ZNF695: variants seen among roughly 807,000 people sequenced by gnomAD.
ZNF695 encodes zinc finger protein 695.
ZNF695 carries 11 observed loss-of-function variants against 11.2 expected under a neutral mutation model. The ratio of observed to expected loss-of-function variants is 0.98; its 90% CI spans 0.62 to 1.62. The LOEUF (loss-of-function observed/expected upper bound fraction) is 1.62, where lower values mean the gene tolerates loss of function less well. Among genes scored for constraint, ZNF695 ranks in the 40% most tolerant of loss-of-function variants. The probability of loss-of-function intolerance (pLI) is 0.00; values close to 1 mark genes in which losing one functional copy is unlikely to be tolerated. For synonymous variants in ZNF695, 190 were observed against 201.4 expected (o/e 0.94, Z 0.48); for missense variants, 559 against 590.5 (o/e 0.95, Z 0.55).
At chr1:246,948,536 C>T (rs1667794881) in intron 5 of ZNF695, among the ~76,000 whole-genome samples, 1 of 152,144 alleles carries the variant, frequency 6.6e-6, no homozygotes, top group Non-Finnish European at 1.5e-5. Flanking sequence ...CAGACTTTCT[C>T]AATGAAGGAA....
intron 1 of ZNF695, 121 bp from the exon 2 acceptor site, chr1:247,000,195 A>T: frequency 1.2e-6 from 1 of 855,444 alleles, no homozygotes; most frequent in Non-Finnish European, 1.8e-6. Context: ...TTATCAAATA[A>T]GATAATTTTT....
At chr1:246,997,040 C>A (rs1256705318) in intron 3 of ZNF695, among the ~76,000 whole-genome samples, 2 of 152,092 alleles carry the variant, frequency 1.3e-5, no homozygotes, top group Non-Finnish European at 2.9e-5. Flanking sequence ...GTGTACAGAA[C>A]TGAATATGTT....
chr1:247,006,532 C>T (rs1339185531), intron 1 of ZNF695, among the ~76,000 whole-genome samples: 1 of 152,216 alleles, frequency 6.6e-6, no homozygotes, highest in Non-Finnish European at 1.5e-5. Flanking sequence ...ATCGCTTGAA[C>T]CTGGGAGGTG....
rs373891527 is a variant in ZNF695 at position 246,955,870 on chromosome 1, T to C, written c.489-10043A>G. Among the ~76,000 whole-genome samples, 29 of 152,028 alleles carry C rather than the reference T, an allele frequency of 1.9e-4. 2 individuals carry two copies. Among genetic ancestry groups the C allele is most frequent in the African/African-American group, 7.0e-4 (29 of 41,460 alleles). ...ATGATGCTCACAAGAACTCCCTGGG[T>C]AGACAACGGTCTCATCACTAACCCC... On this transcript the variant is annotated intron_variant, in intron 5 of 5. Transcript: ENST00000487338.
Position 246,976,754 on chromosome 1 carries a change from A to C in ZNF695, c.391-8962T>G, listed in dbSNP as rs191729175. 8.2e-3 allele frequency among the ~76,000 whole-genome samples: 1,244 copies of C among 152,286 alleles called. 11 individuals carry two copies. Among genetic ancestry groups the C allele is most frequent in the Non-Finnish European group, 0.013 (888 of 68,026 alleles). On this transcript the variant is annotated intron_variant, in intron 4 of 5. Coordinates refer to the ZNF695 transcript ENST00000487338. ...GCTTGCAGTGTGCTGAGATCGCGCC[A>C]CTGCACTCCAGCCTGGGCGACAGAG...
At chr1:246,958,473 T>C (rs181828736) in intron 5 of ZNF695, among the ~76,000 whole-genome samples, 2 of 152,292 alleles carry the variant, frequency 1.3e-5, no homozygotes, top group African/African-American at 4.8e-5. Flanking sequence ...TCCTTCTCTC[T>C]TGGGATCCTT....
downstream of ZNF695, among the ~76,000 whole-genome samples, chr1:246,982,516 AATAC>A (rs1668736381): frequency 6.6e-6 from 1 of 152,230 alleles, no homozygotes; most frequent in African/African-American, 2.4e-5. Context: ...CACTGCTTAC[AATAC>A]ATAGTCCAAT....
intron 5 of ZNF695, among the ~76,000 whole-genome samples, chr1:246,964,071 T>G (rs1280298787): frequency 1.3e-5 from 2 of 152,136 alleles, no homozygotes; most frequent in Admixed American, 6.5e-5. Flanking sequence ...ATGGGAGAGA[T>G]GCATTGGGCC....
intron 5 of ZNF695, among the ~76,000 whole-genome samples, chr1:246,952,546 CTTCT>C (rs936967857): frequency 4.9e-5 from 6 of 123,402 alleles, no homozygotes; most frequent in East Asian, 2.4e-4. Flanking sequence ...GCTTCTTCTT[CTTCT>C]TTTTTTTTTT....
chr1:246,965,320 G>A (rs1668260178), intron 5 of ZNF695, among the ~76,000 whole-genome samples: 1 of 147,102 alleles, frequency 6.8e-6, no homozygotes, highest in Non-Finnish European at 1.5e-5. Context: ...TAGCGCCACT[G>A]CACTCCAGCC....
At chr1:246,967,364 C>T in intron 5 of ZNF695, 1 of 456,424 alleles carries the variant, frequency 2.2e-6, no homozygotes, top group Non-Finnish European at 4.4e-6. Flanking sequence ...GCTAGAAATG[C>T]TGGTGGCCTG....
chr1:247,003,819 T>C (rs1289392737), intron 1 of ZNF695, among the ~76,000 whole-genome samples: 1 of 152,224 alleles, frequency 6.6e-6, no homozygotes, highest in African/African-American at 2.4e-5. Context: ...CATTTAGATG[T>C]TGGTAAATAC....
In ZNF695 at chr1:246,954,764, T is replaced by C. The variant is rs530353202; in HGVS notation, c.489-8937A>G. Among the ~76,000 whole-genome samples, 5 of 152,308 alleles carry C rather than the reference T, an allele frequency of 3.3e-5. No homozygotes were observed. The South Asian group carries it at 6.2e-4, about 19-fold the overall frequency. On this transcript the variant is annotated intron_variant, in intron 5 of 5. Transcript: ENST00000487338. Reference sequence around the variant, plus strand: ...CTGACTTGCTATCTCTATATTCTTATAGGGTTTTCTTGCTCACTAAGTTTT... The same window carrying C: ...CTGACTTGCTATCTCTATATTCTTACAGGGTTTTCTTGCTCACTAAGTTTT...
rs1009680902 is a variant in ZNF695, at chr1:247,007,992, C to A, written c.-84G>T. ...ACAGGGCGATGGAGCCTGCGGCAGT[C>A]ACCCGGGACTCTCCGAGAGGCAGCA... On this transcript the variant is annotated 5_prime_UTR_variant, in exon 1 of 4. Coordinates refer to ENST00000339986, the MANE Select transcript of ZNF695 (RefSeq NM_020394.5). 6 of 1,385,240 alleles carry A rather than the reference C, an allele frequency of 4.3e-6. No individual in the cohort carries two copies. The highest frequency in any genetic ancestry group is 5.7e-6 in the Non-Finnish European group (6 of 1,051,298). The allele number at this position is 1,385,240 out of a possible 1,614,324, so 85.8% of individuals were successfully genotyped here. A position where few individuals can be genotyped will look rare whatever the true frequency, so the allele number is the denominator to read the frequency against.
At position 246,945,830 on chromosome 1, in the gene ZNF695, G is replaced by A. The variant is rs1558299195; in HGVS notation, c.489-3C>T. 4 of 1,549,738 alleles carry A rather than the reference G, an allele frequency of 2.6e-6. No individual in the cohort carries two copies. In the South Asian group the frequency reaches 3.6e-5, roughly 14 times the overall value. On this transcript the variant is annotated splice_polypyrimidine_tract_variant and splice_region_variant and intron_variant, in intron 5 of 5. Coordinates refer to the ZNF695 transcript ENST00000487338. Reference sequence around the variant, plus strand: ...GCTCGATGGTCGACGACTGGACCCTGAAAAAAAGAAAGAAAGAAAAGCAGC... The same window carrying A: ...GCTCGATGGTCGACGACTGGACCCTAAAAAAAAGAAAGAAAGAAAAGCAGC...
chr1:246,976,565 C>A (rs111302452), intron 4 of ZNF695, among the ~76,000 whole-genome samples: 16 of 151,676 alleles, frequency 1.1e-4, no homozygotes, highest in African/African-American at 3.1e-4. Flanking sequence ...GAGGCCAAGG[C>A]GGGCAGATCA....
intron 4 of ZNF695, among the ~76,000 whole-genome samples, chr1:246,969,911 C>G (rs1445359710): frequency 1.3e-5 from 2 of 152,180 alleles, no homozygotes; most frequent in Non-Finnish European, 2.9e-5. Context: ...AGTCCACCCC[C>G]ATGATCCAAT....
At chr1:246,946,111 A>G (rs1213529762) in intron 5 of ZNF695, among the ~76,000 whole-genome samples, 2 of 152,126 alleles carry the variant, frequency 1.3e-5, no homozygotes, top group African/African-American at 2.4e-5. Flanking sequence ...CCCCAGAAGG[A>G]TGTGCAATGA....
At chr1:247,001,877 G>A (rs1558321531) in intron 1 of ZNF695, among the ~76,000 whole-genome samples, 1 of 152,028 alleles carries the variant, frequency 6.6e-6, no homozygotes, top group Admixed American at 6.6e-5. Context: ...AACAGACACA[G>A]ATAACCATAC....
Sources: gnomAD v4.1 joint callset for allele counts (sites outside exome capture counted in the v4.1 genomes callset) on GRCh38, gnomAD v4.1.1 for gene constraint, MANE v1.5 for transcripts, NCBI Gene and HGNC (gene_info 2026-07-23, HGNC 2026-07-21) for gene names.